The following TENM3 variants were observed in gnomAD, a reference collection of about 807,000 sequenced individuals.
TENM3 encodes the protein teneurin transmembrane protein 3.
In TENM3, 63 loss-of-function variants were observed where a neutral mutation model predicts 255.1. That is an observed-to-expected ratio of 0.25 (90% CI 0.20 to 0.30). The LOEUF is 0.30. TENM3 is among the 10% of genes least tolerant of loss of function. TENM3 has a pLI of 1.00. For synonymous variants in TENM3, 1,306 were observed against 1,322.3 expected, an observed-to-expected ratio of 0.99 and a Z score of 0.27; for missense variants, 2,929 against 3,461.1, an observed-to-expected ratio of 0.85 and a Z score of 3.86.
chr4:181,887,734 T>C, the TENM3 span, among the ~76,000 whole-genome samples: 3 of 152,244 alleles, frequency 2.0e-5, no homozygotes, highest in Non-Finnish European at 1.5e-5. Context: ...GATAATTGTA[T>C]ATCCCTTGGC....
At chr4:182,305,039 T>C (rs191674266) in intron 1 of TENM3, among the ~76,000 whole-genome samples, 1 of 152,184 alleles carries the variant, frequency 6.6e-6, no homozygotes, top group African/African-American at 2.4e-5. Flanking sequence ...AGGTGGATGG[T>C]AAGGTCTAAT....
the TENM3 span, among the ~76,000 whole-genome samples, chr4:181,662,241 A>G: frequency 6.6e-6 from 1 of 152,192 alleles, no homozygotes; most frequent in Non-Finnish European, 1.5e-5. Flanking sequence ...CTAGATGCAA[A>G]TCTAAATAAA....
chr4:182,624,967 G>A (rs1750681699), intron 4 of TENM3, among the ~76,000 whole-genome samples: 1 of 152,176 alleles, frequency 6.6e-6, no homozygotes, highest in Non-Finnish European at 1.5e-5. Context: ...TTTGGATTGG[G>A]TGGTCAAGTA....
At chr4:182,014,344 T>A in the TENM3 span, among the ~76,000 whole-genome samples, 2 of 151,800 alleles carry the variant, frequency 1.3e-5, no homozygotes, top group Non-Finnish European at 2.9e-5. Context: ...CCTCTACCTA[T>A]GGTGACGTCA....
the TENM3 span, among the ~76,000 whole-genome samples, chr4:181,566,559 A>T: frequency 0.11 from 16,987 of 152,006 alleles, 1,083 homozygotes; most frequent in Middle Eastern, 0.22. Flanking sequence ...GGGGCATCAA[A>T]GTGCTGGTGA....
the TENM3 span, among the ~76,000 whole-genome samples, chr4:181,463,833 C>A: frequency 6.6e-6 from 1 of 152,124 alleles, no homozygotes; most frequent in Admixed American, 6.6e-5. Context: ...CAGTCTCTGG[C>A]AGCTATAAGT....
chr4:182,277,576 C>T (rs940807944), intron 1 of TENM3, among the ~76,000 whole-genome samples: 2 of 152,172 alleles, frequency 1.3e-5, no homozygotes, highest in African/African-American at 4.8e-5. Context: ...ACTCTTCACT[C>T]ATAATAGTAG....
chr4:181,939,688 G>A, the TENM3 span, among the ~76,000 whole-genome samples: 1 of 152,242 alleles, frequency 6.6e-6, no homozygotes, highest in Admixed American at 6.5e-5. Context: ...TTGTTGGACA[G>A]CTATATAAGG....
intron 13 of TENM3, among the ~76,000 whole-genome samples, chr4:182,727,711 CTTA>C (rs762083720): frequency 1.3e-5 from 2 of 152,046 alleles, no homozygotes; most frequent in African/African-American, 2.4e-5. Context: ...TGATGGATTT[CTTA>C]TTATTTCTAA....
chr4:182,641,133 G>A (rs917646975), intron 5 of TENM3, among the ~76,000 whole-genome samples: 8 of 152,138 alleles, frequency 5.3e-5, no homozygotes, highest in African/African-American at 1.2e-4. Flanking sequence ...TGAGCTGCTC[G>A]TGCCTACATT....
the TENM3 span, among the ~76,000 whole-genome samples, chr4:181,971,413 C>T: frequency 6.6e-6 from 1 of 152,186 alleles, no homozygotes; most frequent in Non-Finnish European, 1.5e-5. Context: ...ACATGATCCA[C>T]ATCCAAAATC....
chr4:181,613,313 C>T, the TENM3 span, among the ~76,000 whole-genome samples: 8 of 152,276 alleles, frequency 5.3e-5, no homozygotes, highest in South Asian at 8.3e-4. Flanking sequence ...TCCTTCCCCT[C>T]GGGAACTAAA....
At chr4:181,452,932 A>G in the TENM3 span, among the ~76,000 whole-genome samples, 6 of 152,334 alleles carry the variant, frequency 3.9e-5, no homozygotes, top group African/African-American at 1.2e-4. Context: ...GCTTGAGCTA[A>G]GTAAAGAATG....
At chr4:181,756,452 G>A in the TENM3 span, among the ~76,000 whole-genome samples, 19 of 152,090 alleles carry the variant, frequency 1.2e-4, no homozygotes, top group Non-Finnish European at 2.2e-4. Context: ...TAAAACAATG[G>A]AAGCCTATGA....
the TENM3 span, among the ~76,000 whole-genome samples, chr4:182,039,906 A>G: frequency 1.6e-3 from 220 of 140,086 alleles, 1 homozygote; most frequent in Non-Finnish European, 1.9e-3. Context: ...AAAGGAGAGG[A>G]GACGAGGAGG....
chr4:181,725,010 T>C, the TENM3 span, among the ~76,000 whole-genome samples: 2 of 152,200 alleles, frequency 1.3e-5, no homozygotes, highest in African/African-American at 4.8e-5. Flanking sequence ...GTAACTGTAC[T>C]CTCTACTGTG....
chr4:182,200,726 A>G (rs537564831), intron 1 of TENM3, among the ~76,000 whole-genome samples: 1 of 152,266 alleles, frequency 6.6e-6, no homozygotes, highest in South Asian at 2.1e-4. Flanking sequence ...TGTTCCTTTC[A>G]GTATCCTGAA....
intron 22 of TENM3, among the ~76,000 whole-genome samples, chr4:182,758,380 G>A (rs147846873): frequency 7.2e-4 from 110 of 152,256 alleles, no homozygotes; most frequent in African/African-American, 2.5e-3. Context: ...CCCTCCAGAA[G>A]CACTGTCTGT....
At chr4:181,606,504 A>G in the TENM3 span, among the ~76,000 whole-genome samples, 974 of 152,228 alleles carry the variant, frequency 6.4e-3, 22 homozygotes, top group African/African-American at 0.022. Context: ...GTGTATGTGC[A>G]TATTCATTCA....
Sources: allele counts gnomAD v4.1 joint callset (sites outside exome capture counted in the v4.1 genomes callset), GRCh38; gene constraint gnomAD v4.1.1; transcripts MANE v1.5; gene names NCBI Gene and HGNC (gene_info 2026-07-23, HGNC 2026-07-21).